Variants in HS3ST5 observed in about 807,000 individuals in gnomAD.
HS3ST5 encodes heparan sulfate glucosamine 3-O-sulfotransferase 5.
Under a neutral mutation model 25.4 loss-of-function variants are expected in HS3ST5, and 10 were observed. That is an observed-to-expected ratio of 0.39 (90% CI 0.24 to 0.67). The LOEUF is 0.67. HS3ST5 is among the 30% of genes least tolerant of loss of function. The pLI is 0.44. For missense variants in HS3ST5, 324 were observed against 420.7 expected (o/e 0.77, Z 2.01); for synonymous variants, 170 against 162.4 (o/e 1.05, Z -0.36).
In HS3ST5 at chr6:114,145,203, T is replaced by C. The variant is rs532667049; in HGVS notation, c.-33+23148A>G. On this transcript the variant is annotated intron_variant, in intron 3 of 4. Transcript: ENST00000312719. Reference sequence around the variant, plus strand: ...CAGGGCTTAGCTTTGTACTTCTAGGTTGGTCCTGATAGCACATTCCAGTCC... The same window carrying C: ...CAGGGCTTAGCTTTGTACTTCTAGGCTGGTCCTGATAGCACATTCCAGTCC... Among the ~76,000 whole-genome samples the C allele has an allele frequency of 3.0e-4, 45 of 152,280 alleles. No individual in the cohort carries two copies. In the South Asian group the frequency reaches 8.9e-3, roughly 30 times the overall value.
At chr6:114,218,372 G>T (rs1781870316) in intron 2 of HS3ST5, among the ~76,000 whole-genome samples, 1 of 152,180 alleles carries the variant, frequency 6.6e-6, no homozygotes, top group Non-Finnish European at 1.5e-5. Flanking sequence ...AAATGGAAAA[G>T]AATGTTTTCA....
chr6:114,286,993 T>C lies in HS3ST5; in HGVS notation c.-339+55202A>G, dbSNP rs180846116. ...AGAATGGTACAGAGTAGTTTCTCTT[T>C]AGATGTTAAAGATAACTGAAGTTGT... On this transcript the variant is annotated intron_variant, in intron 1 of 4. Coordinates refer to ENST00000312719, the MANE Select transcript of HS3ST5 (RefSeq NM_153612.4). Among the ~76,000 whole-genome samples the C allele has an allele frequency of 7.1e-3, 1,087 of 152,068 alleles. 12 individuals carry two copies. The highest frequency in any genetic ancestry group is 0.018 in the South Asian group (87 of 4,824).
At chr6:114,180,387 A>AT (rs1386950701) in intron 2 of HS3ST5, among the ~76,000 whole-genome samples, 1 of 151,970 alleles carries the variant, frequency 6.6e-6, no homozygotes, top group Admixed American at 6.6e-5. Flanking sequence ...ATAGGCATTT[A>AT]TTTTCTCATC....
rs753041223 is a variant in HS3ST5 at position 114,057,929 on chromosome 6, G to T, written c.369C>A (p.Ile123=). 1.2e-6 allele frequency: 2 copies of T among 1,614,000 alleles called. No homozygotes were observed. The highest frequency in any genetic ancestry group is 2.7e-5 in the African/African-American group (2 of 74,888). ...HPAVVKASQE[I]HFFDNDENYG... ...AATTCTCATCATTATCAAAAAAGTGGATTTCTTGAGAGGCTTTGACTACTG... is the reference window on the plus strand; with the variant it reads ...AATTCTCATCATTATCAAAAAAGTGTATTTCTTGAGAGGCTTTGACTACTG... The change falls in exon 5 of 5, where the codon ATC becomes ATA. Residue 123 remains isoleucine (I), a synonymous_variant. Transcript: ENST00000312719.
At chr6:114,161,199 C>T (rs1488115351) in intron 3 of HS3ST5, among the ~76,000 whole-genome samples, 2 of 151,534 alleles carry the variant, frequency 1.3e-5, no homozygotes, top group African/African-American at 2.4e-5. Flanking sequence ...AAACGGCCTT[C>T]GTGGAGACCT....
chr6:114,173,369 C>T (rs1779564107), intron 2 of HS3ST5, among the ~76,000 whole-genome samples: 1 of 152,054 alleles, frequency 6.6e-6, no homozygotes, highest in African/African-American at 2.4e-5. Flanking sequence ...TGAGTAATTA[C>T]TTAACTCATC....
At chr6:114,065,469 C>T (rs1773396909) in intron 3 of HS3ST5, among the ~76,000 whole-genome samples, 1 of 152,184 alleles carries the variant, frequency 6.6e-6, no homozygotes, top group South Asian at 2.1e-4. Context: ...ATTAAATACT[C>T]CCCTTAGTAG....
At chr6:114,213,640 A>G (rs1385374270) in intron 2 of HS3ST5, among the ~76,000 whole-genome samples, 1 of 152,092 alleles carries the variant, frequency 6.6e-6, no homozygotes, top group Non-Finnish European at 1.5e-5. Context: ...ACCTGTCCCC[A>G]GGTATCTCAA....
Position 114,141,995 on chromosome 6 carries a change from AT to A in HS3ST5, c.-33+26355del, listed in dbSNP as rs373937472. Among the ~76,000 whole-genome samples the A allele has an allele frequency of 3.0e-3, 430 of 145,614 alleles. 3 individuals carry two copies. Among genetic ancestry groups the A allele is most frequent in the African/African-American group, 8.5e-3 (334 of 39,372 alleles). Reference sequence around the variant, plus strand: ...GCTTCCCTGCTTCATGTTCCATCTCATTTTTTTTTCCTCATTTCCTACAGCT... The same window carrying A: ...GCTTCCCTGCTTCATGTTCCATCTCATTTTTTTTCCTCATTTCCTACAGCT... On this transcript the variant is annotated intron_variant, in intron 3 of 4. Coordinates refer to ENST00000312719, the MANE Select transcript of HS3ST5 (RefSeq NM_153612.4).
rs7743447 is a variant in HS3ST5 at position 114,084,506 on chromosome 6, G to A, written c.-32-21629C>T. On this transcript the variant is annotated intron_variant, in intron 3 of 4. Coordinates refer to ENST00000312719, the MANE Select transcript of HS3ST5 (RefSeq NM_153612.4). The stretch of plus-strand genomic sequence containing the variant: ...TCACGGGAAATGGTGCCACGCATGC[G>A]CAGAACTTCCCGAGCCGGCGTCCAC... The A allele has an allele frequency of 4.0e-3, 3,056 of 758,522 alleles. 66 individuals carry two copies. The African/African-American group carries it at 0.047, about 12-fold the overall frequency. The allele number at this position is 758,522 out of a possible 1,614,324, so 47.0% of individuals were successfully genotyped here. A position where few individuals can be genotyped will look rare whatever the true frequency, so the allele number is the denominator to read the frequency against.
rs569224977 is a variant in HS3ST5, at chr6:114,198,807, T to A, written c.-145+29778A>T. Among the ~76,000 whole-genome samples the A allele has an allele frequency of 9.5e-4, 145 of 152,038 alleles. 1 individual carries two copies. Among genetic ancestry groups the A allele is most frequent in the African/African-American group, 3.4e-3 (140 of 41,510 alleles). On this transcript the variant is annotated intron_variant, in intron 2 of 4. Transcript: ENST00000312719. ...TGCTACTTAGTACAAGTTTTTTTTT[T>A]AATAAATGCATTAGATAATCACAGG...
intron 1 of HS3ST5, among the ~76,000 whole-genome samples, chr6:114,236,131 G>T (rs1304081317): frequency 1.3e-5 from 2 of 152,140 alleles, no homozygotes; most frequent in African/African-American, 4.8e-5. Flanking sequence ...GGTCTACTTT[G>T]TTCAACACCC....
In HS3ST5 at chr6:114,113,443, C is replaced by CACATTAA. The variant is rs553439365; in HGVS notation, c.-32-50573_-32-50567dup. ...TCACACTGGCCCCCTTTCTCTCCCT[C>CACATTAA]ACATTAAACAGGCTTGTTTCCACCC... On this transcript the variant is annotated intron_variant, in intron 3 of 4. Coordinates refer to ENST00000312719, the MANE Select transcript of HS3ST5 (RefSeq NM_153612.4). Among the ~76,000 whole-genome samples the CACATTAA allele has an allele frequency of 3.1e-3, 475 of 152,052 alleles. 1 individual carries two copies. Among genetic ancestry groups the CACATTAA allele is most frequent in the South Asian group, 6.4e-3 (31 of 4,820 alleles).
chr6:114,307,428 G>GC (rs1775344072), intron 1 of HS3ST5, among the ~76,000 whole-genome samples: 1 of 147,308 alleles, frequency 6.8e-6, no homozygotes, highest in Non-Finnish European at 1.5e-5. Context: ...ATAAAACCTA[G>GC]TTTTTTTTTT....
intron 1 of HS3ST5, among the ~76,000 whole-genome samples, 165 bp downstream of exon 1, chr6:114,342,030 A>G (rs1776900786): frequency 6.6e-6 from 1 of 152,132 alleles, no homozygotes; most frequent in African/African-American, 2.4e-5. Context: ...ACCTCTCAAA[A>G]GTCTTCCCCA....
At chr6:114,276,351 T>C (rs759483167) in intron 1 of HS3ST5, among the ~76,000 whole-genome samples, 4 of 151,952 alleles carry the variant, frequency 2.6e-5, no homozygotes, top group Non-Finnish European at 4.4e-5. Flanking sequence ...TTATAATACT[T>C]CATATGCCAT....
intron 2 of HS3ST5, among the ~76,000 whole-genome samples, chr6:114,203,015 A>G (rs934672359): frequency 2.0e-5 from 3 of 152,224 alleles, no homozygotes; most frequent in Non-Finnish European, 4.4e-5. Context: ...TTTTGTAATC[A>G]GAACTGGTGG....
chr6:114,199,203 G>T (rs1311490756), intron 2 of HS3ST5, among the ~76,000 whole-genome samples: 1 of 152,058 alleles, frequency 6.6e-6, no homozygotes, highest in East Asian at 1.9e-4. Flanking sequence ...AGCATACCAT[G>T]TACCAAAATA....
At chr6:114,249,914 C>G (rs1001555699) in intron 1 of HS3ST5, among the ~76,000 whole-genome samples, 2 of 152,066 alleles carry the variant, frequency 1.3e-5, no homozygotes, top group Admixed American at 1.3e-4. Flanking sequence ...AAATGAAAAA[C>G]AAAGATAACT....
Sources: allele counts gnomAD v4.1 joint callset (sites outside exome capture counted in the v4.1 genomes callset), GRCh38; gene constraint gnomAD v4.1.1; transcripts MANE v1.5; gene names NCBI Gene and HGNC (gene_info 2026-07-23, HGNC 2026-07-21).